POLD3: variants seen among roughly 807,000 people sequenced by gnomAD.
The protein encoded by POLD3 is DNA polymerase delta 3, accessory subunit, also known as DNA polymerase delta subunit 3.
In POLD3, 19 loss-of-function variants were observed where a neutral mutation model predicts 58.2. The observed-to-expected ratio is 0.33, with a 90% CI of 0.23 to 0.48. POLD3 has a LOEUF of 0.48. Ranked by LOEUF, POLD3 falls within the 20% of genes least tolerant of loss-of-function variation. POLD3 has a pLI of 0.99. For synonymous variants in POLD3, 172 were observed against 193.5 expected (o/e 0.89, Z 0.92); for missense variants, 504 against 545.5 (o/e 0.92, Z 0.76).
intron 2 of POLD3, among the ~76,000 whole-genome samples, chr11:74,594,600 A>G (rs1030720834): frequency 2.0e-5 from 3 of 152,192 alleles, no homozygotes; most frequent in Non-Finnish European, 4.4e-5. Flanking sequence ...TTCATGTATA[A>G]AACATTCATC....
chr11:74,594,862 C>T (rs2031171471), intron 2 of POLD3, among the ~76,000 whole-genome samples: 1 of 152,190 alleles, frequency 6.6e-6, no homozygotes, highest in South Asian at 2.1e-4. Flanking sequence ...CGTGAGAACT[C>T]ACTATCATGA....
intron 3 of POLD3, among the ~76,000 whole-genome samples, chr11:74,605,956 C>T (rs984497089): frequency 6.6e-6 from 1 of 152,028 alleles, no homozygotes; most frequent in Non-Finnish European, 1.5e-5. Flanking sequence ...TGGTGGCATG[C>T]GCCTGTAGTC....
chr11:74,640,484 G>A, intron 11 of POLD3, 80 bp from the exon 12 acceptor site: 1 of 1,442,412 alleles, frequency 6.9e-7, no homozygotes, highest in Non-Finnish European at 9.1e-7. Context: ...GAAATGATTG[G>A]GGTTAGCAAG....
At chr11:74,662,167 G>T (rs1194576302) in intron 4 of POLD3, among the ~76,000 whole-genome samples, 1 of 152,190 alleles carries the variant, frequency 6.6e-6, no homozygotes, top group East Asian at 1.9e-4. Context: ...AGCCCGTTTG[G>T]TACTGTACCC....
chr11:74,663,681 C>G (rs563372196), intron 4 of POLD3, among the ~76,000 whole-genome samples: 39 of 152,272 alleles, frequency 2.6e-4, no homozygotes, highest in African/African-American at 9.4e-4. Context: ...TATAGAAGAA[C>G]ATTTTCATCA....
At chr11:74,600,798 A>G (rs1054067872) in intron 2 of POLD3, among the ~76,000 whole-genome samples, 1 of 138,296 alleles carries the variant, frequency 7.2e-6, no homozygotes, top group African/African-American at 2.7e-5. Flanking sequence ...GCTCACTGCA[A>G]CCTCTGTCTC....
intron 1 of POLD3, among the ~76,000 whole-genome samples, chr11:74,593,581 T>C (rs1349120707): frequency 6.6e-6 from 1 of 152,220 alleles, no homozygotes; most frequent in Non-Finnish European, 1.5e-5. Flanking sequence ...TCTAATCTCT[T>C]ATAAAAATAT....
intron 10 of POLD3, 29 bp downstream of exon 10, chr11:74,634,724 C>A: frequency 6.5e-6 from 8 of 1,230,668 alleles, no homozygotes; most frequent in African/African-American, 1.5e-5. Context: ...TCTTGCATGT[C>A]CATGCATCCT....
chr11:74,597,791 CG>C (rs1405937655), intron 2 of POLD3, among the ~76,000 whole-genome samples: 1 of 152,146 alleles, frequency 6.6e-6, no homozygotes, highest in African/African-American at 2.4e-5. Context: ...ATGCTTCAGT[CG>C]GGTGGCTGTG....
intron 4 of POLD3, among the ~76,000 whole-genome samples, chr11:74,650,189 C>T (rs1437448150): frequency 6.6e-6 from 1 of 152,162 alleles, no homozygotes; most frequent in Non-Finnish European, 1.5e-5. Flanking sequence ...AATGAGTTGT[C>T]GTACTTTGCT....
intron 7 of POLD3, 57 bp from the exon 8 acceptor site, chr11:74,625,351 T>C: frequency 1.5e-6 from 2 of 1,357,270 alleles, no homozygotes; most frequent in Middle Eastern, 2.1e-4. Context: ...GTCAAAAGAA[T>C]GATGTATTAA....
chr11:74,649,665 A>T (rs1263824839), intron 4 of POLD3, among the ~76,000 whole-genome samples: 1 of 152,164 alleles, frequency 6.6e-6, no homozygotes, highest in Non-Finnish European at 1.5e-5. Flanking sequence ...AATACATGTT[A>T]TATGTCTTCC....
rs752503947 is a variant in POLD3 at position 74,620,106 on chromosome 11, C to T, written c.733+17C>T. On this transcript the variant is annotated intron_variant, in intron 7 of 11. Coordinates refer to ENST00000263681, the MANE Select transcript of POLD3 (RefSeq NM_006591.3). Reference sequence around the variant, plus strand: ...CTGCTATGAGTAAGCATGTTCTTACCTCACTTTGACTAACGAATGAATGTT... The same window carrying T: ...CTGCTATGAGTAAGCATGTTCTTACTTCACTTTGACTAACGAATGAATGTT... 2.6e-6 allele frequency: 4 copies of T among 1,531,388 alleles called. No individual in the cohort carries two copies. The highest frequency in any genetic ancestry group is 3.6e-6 in the Non-Finnish European group (4 of 1,104,700). 94.9% of individuals were successfully genotyped at this position (1,531,388 alleles called of 1,614,324 possible). A position where few individuals can be genotyped will look rare whatever the true frequency, so the allele number is the denominator to read the frequency against.
At chr11:74,619,464 GA>G (rs1292360393) in intron 6 of POLD3, among the ~76,000 whole-genome samples, 2 of 152,116 alleles carry the variant, frequency 1.3e-5, no homozygotes, top group African/African-American at 2.4e-5. Context: ...AAGGATGGAG[GA>G]AAACACTAAC....
chr11:74,599,414 G>T (rs61901538), intron 2 of POLD3, among the ~76,000 whole-genome samples: 84 of 148,486 alleles, frequency 5.7e-4, no homozygotes, highest in African/African-American at 2.0e-3. Context: ...TGCCTAGGCC[G>T]GAGTGCAGTG....
intron 2 of POLD3, among the ~76,000 whole-genome samples, chr11:74,597,101 G>A (rs1212891301): frequency 5.9e-5 from 9 of 152,104 alleles, no homozygotes; most frequent in Non-Finnish European, 1.2e-4. Context: ...ATTTCCTTTG[G>A]ATGTATATCC....
At chr11:74,661,822 C>T (rs1474636193) in intron 4 of POLD3, among the ~76,000 whole-genome samples, 2 of 152,208 alleles carry the variant, frequency 1.3e-5, no homozygotes, top group Admixed American at 1.3e-4. Context: ...TGTCTGGGAG[C>T]CAGGGACTGG....
At chr11:74,607,878 G>T (rs1349051559) in intron 3 of POLD3, among the ~76,000 whole-genome samples, 4 of 152,144 alleles carry the variant, frequency 2.6e-5, no homozygotes, top group Admixed American at 1.3e-4. Context: ...GATTACAGAA[G>T]TGAGCCACTG....
At chr11:74,639,381 T>C (rs1390757944) in intron 11 of POLD3, among the ~76,000 whole-genome samples, 1 of 152,216 alleles carries the variant, frequency 6.6e-6, no homozygotes, top group Non-Finnish European at 1.5e-5. Flanking sequence ...GAAAGAATTA[T>C]CAATAAAAGC....
Sources: allele counts gnomAD v4.1 joint callset (sites outside exome capture counted in the v4.1 genomes callset), GRCh38; gene constraint gnomAD v4.1.1; transcripts MANE v1.5; gene names NCBI Gene and HGNC (gene_info 2026-07-23, HGNC 2026-07-21).